Variants in EFR3A observed in about 807,000 individuals in gnomAD.
EFR3A encodes the protein protein EFR3 homolog A.
EFR3A carries 76 observed loss-of-function variants against 104.4 expected under a neutral mutation model. The ratio of observed to expected loss-of-function variants is 0.73; its 90% CI spans 0.60 to 0.88. The LOEUF is 0.88. EFR3A is among the 40% of genes least tolerant of loss of function. The probability of loss-of-function intolerance (pLI) is 0.00; values close to 1 mark genes in which losing one functional copy is unlikely to be tolerated. For synonymous variants in EFR3A, 330 were observed against 330.0 expected, an observed-to-expected ratio of 1.00 and a Z score of 0.00; for missense variants, 985 against 1,012.5, an observed-to-expected ratio of 0.97 and a Z score of 0.37.
intron 17 of EFR3A, among the ~76,000 whole-genome samples, chr8:131,986,893 A>G (rs1820915753): frequency 6.6e-6 from 1 of 152,014 alleles, no homozygotes; most frequent in African/African-American, 2.4e-5. Context: ...TATGTAAATG[A>G]TCAAACCTTT....
chr8:131,940,793 A>T, intron 2 of EFR3A: 1 of 673,072 alleles, frequency 1.5e-6, no homozygotes, highest in South Asian at 3.2e-5. Context: ...CAAATCTAGA[A>T]AAATGGACAG....
intron 1 of EFR3A, among the ~76,000 whole-genome samples, chr8:131,907,160 G>A (rs182871231): frequency 1.3e-5 from 2 of 152,258 alleles, no homozygotes; most frequent in African/African-American, 4.8e-5. Context: ...TAAGACAAAT[G>A]TAAGCTTGGT....
chr8:131,964,636 C>G (rs899332937), intron 8 of EFR3A, among the ~76,000 whole-genome samples: 6 of 152,128 alleles, frequency 3.9e-5, no homozygotes, highest in African/African-American at 1.2e-4. Flanking sequence ...ATGAAAATGT[C>G]CATACTGCCC....
In EFR3A at chr8:131,976,139, A is replaced by G. The variant is rs764271812; in HGVS notation, c.1272A>G (p.Leu424=). ...CCCATACTTTGGATATCAGTCAACT[A>G]GGGTATGTTCTCAGACTGTAAATTT... ...TSTHTLDISQ[L]GDLGTRRIQI... The change falls in exon 11 of 23, where the codon CTA becomes CTG. Residue 424 remains leucine (L), a splice_region_variant and synonymous_variant. Coordinates refer to ENST00000254624, the MANE Select transcript of EFR3A (RefSeq NM_015137.6). The G allele has an allele frequency of 3.9e-6, 6 of 1,546,438 alleles. No individual in the cohort carries two copies. The South Asian group carries it at 7.0e-5, about 18-fold the overall frequency.
intron 18 of EFR3A, among the ~76,000 whole-genome samples, chr8:131,988,179 TC>T (rs377623079): frequency 0.34 from 51,106 of 151,862 alleles, 8,984 homozygotes; most frequent in East Asian, 0.61. Context: ...ATATATTTTC[TC>T]TGTGAACTAT....
chr8:131,995,616 T>C (rs1821434670), intron 18 of EFR3A, among the ~76,000 whole-genome samples: 1 of 152,182 alleles, frequency 6.6e-6, no homozygotes, highest in Non-Finnish European at 1.5e-5. Context: ...GCTTTTGAAT[T>C]TAGTGATTTG....
Position 131,979,362 on chromosome 8 carries a change from G to T in EFR3A, c.1516G>T (p.Ala506Ser). The change falls in exon 14 of 23, where the codon GCT becomes TCT. Residue 506 changes from alanine to serine, a missense_variant. Transcript: ENST00000254624. ...CGTCTCTAGAATAATACCGGATGTA[G>T]CTGACCTAAAGATAAAAAGAGAAAA... ...LRGIRIIPDV[A>S]DLKIKREKIC... 1 of 1,565,978 alleles carries T rather than the reference G, an allele frequency of 6.4e-7. No homozygotes were observed.
intron 1 of EFR3A, among the ~76,000 whole-genome samples, chr8:131,920,259 T>G (rs1816937565): frequency 6.6e-6 from 1 of 152,122 alleles, no homozygotes; most frequent in Admixed American, 6.5e-5. Flanking sequence ...CAATGGCCAT[T>G]TTGCTGTGAG....
At chr8:131,927,168 TAGCA>T (rs912202006) in intron 1 of EFR3A, among the ~76,000 whole-genome samples, 8 of 151,994 alleles carry the variant, frequency 5.3e-5, no homozygotes, top group African/African-American at 4.8e-5. Context: ...GCAGAGAGAG[TAGCA>T]CCTGCCTAGC....
At chr8:131,946,243 T>C (rs747681673) in intron 3 of EFR3A, among the ~76,000 whole-genome samples, 1 of 152,014 alleles carries the variant, frequency 6.6e-6, no homozygotes, top group African/African-American at 2.4e-5. Context: ...GCTCACATAG[T>C]TAAGGAGAAA....
rs749444245 is a variant in EFR3A, at chr8:131,968,470, G to T, written c.991+40G>T. 8 of 1,598,162 alleles carry T rather than the reference G, an allele frequency of 5.0e-6. No individual in the cohort carries two copies. In the South Asian group the frequency reaches 8.9e-5, roughly 18 times the overall value. The stretch of plus-strand genomic sequence containing the variant: ...ATAAAATAAAATAGTGCGTTGATCT[G>T]GTTCAAAGTGTCCTTTCAGTATGCA... On this transcript the variant is annotated intron_variant, in intron 9 of 22. Transcript: ENST00000254624.
At chr8:131,946,693 CT>C in intron 4 of EFR3A, 60 bp downstream of exon 4, 1 of 1,403,778 alleles carries the variant, frequency 7.1e-7, no homozygotes, top group Non-Finnish European at 9.4e-7. Flanking sequence ...GAATTAATTA[CT>C]TCTTAGAATG....
In EFR3A at chr8:131,955,804, C is replaced by T. The variant is rs1252833432; in HGVS notation, c.675C>T (p.Asp225=). Reference sequence around the variant, plus strand: ...CTCCTTCTTCTCCTTCTGCAACTGACAAAGAAGAGAATCCTGCTGTGCTGG... The same window carrying T: ...CTCCTTCTTCTCCTTCTGCAACTGATAAAGAAGAGAATCCTGCTGTGCTGG... ...IGPPSSPSAT[D]KEENPAVLAE... is the part of the protein sequence containing the mutation. Residue 225 remains aspartate, a synonymous_variant, in exon 7 of 23, where the codon GAC becomes GAT. Transcript: ENST00000254624. The T allele has an allele frequency of 3.1e-6, 5 of 1,613,246 alleles. No individual in the cohort carries two copies. Among genetic ancestry groups the T allele is most frequent in the Non-Finnish European group, 3.4e-6 (4 of 1,179,400 alleles).
At chr8:131,984,843 T>C in intron 15 of EFR3A, 86 bp from the exon 16 acceptor site, 1 of 1,241,126 alleles carries the variant, frequency 8.1e-7, no homozygotes, top group Middle Eastern at 2.6e-4. Context: ...CTTTCCAAAC[T>C]ACCTGCAGTT....
intron 8 of EFR3A, among the ~76,000 whole-genome samples, 163 bp from the exon 9 acceptor site, chr8:131,968,131 AT>A (rs1819856385): frequency 6.6e-6 from 1 of 152,062 alleles, no homozygotes; most frequent in South Asian, 2.1e-4. Flanking sequence ...ATCTCTGTTT[AT>A]TCTTTAAAAG....
chr8:131,978,736 CT>C, intron 12 of EFR3A, 110 bp from the exon 13 acceptor site: 1 of 834,074 alleles, frequency 1.2e-6, no homozygotes, highest in East Asian at 3.0e-5. Context: ...TTTCTCCAGG[CT>C]TCTGTCCATA....
intron 7 of EFR3A, among the ~76,000 whole-genome samples, chr8:131,959,304 T>G (rs1345146467): frequency 6.6e-6 from 1 of 152,150 alleles, no homozygotes; most frequent in Non-Finnish European, 1.5e-5. Flanking sequence ...AATTACCCTT[T>G]GAGAGAAGTA....
intron 1 of EFR3A, among the ~76,000 whole-genome samples, chr8:131,938,604 A>G (rs181164429): frequency 1.3e-5 from 2 of 152,200 alleles, no homozygotes; most frequent in Admixed American, 6.5e-5. Context: ...TTATTTCCCT[A>G]TATGGCAATG....
chr8:131,911,790 A>C (rs1319043912), intron 1 of EFR3A, among the ~76,000 whole-genome samples: 1 of 152,236 alleles, frequency 6.6e-6, no homozygotes, highest in Non-Finnish European at 1.5e-5. Context: ...GGGGAAACTC[A>C]GCAAGGCCCA....
Sources: gnomAD v4.1 joint callset for allele counts (sites outside exome capture counted in the v4.1 genomes callset) on GRCh38, gnomAD v4.1.1 for gene constraint, MANE v1.5 for transcripts, NCBI Gene and HGNC (gene_info 2026-07-23, HGNC 2026-07-21) for gene names.